The following PDE4D variants were observed in gnomAD, a reference collection of about 807,000 sequenced individuals.
The protein encoded by PDE4D is 3',5'-cyclic-AMP phosphodiesterase 4D.
A neutral mutation model predicts 87.4 loss-of-function variants in PDE4D; 24 were observed. That is an observed-to-expected ratio of 0.27 (90% CI 0.20 to 0.39). The LOEUF (loss-of-function observed/expected upper bound fraction) is 0.39, where lower values mean the gene tolerates loss of function less well. PDE4D is among the 10% of genes least tolerant of loss of function. PDE4D has a pLI of 1.00. For synonymous variants in PDE4D, 384 were observed against 383.2 expected (o/e 1.00, Z -0.02); for missense variants, 714 against 1,041.0 (o/e 0.69, Z 4.32).
chr5:60,309,670 A>G (rs973285119), intron 1 of PDE4D, among the ~76,000 whole-genome samples: 1 of 152,034 alleles, frequency 6.6e-6, no homozygotes, highest in Admixed American at 6.6e-5. Flanking sequence ...GGAAAAAACG[A>G]CTCATTTTTT....
intron 1 of PDE4D, among the ~76,000 whole-genome samples, chr5:60,222,872 A>G (rs377536488): frequency 6.6e-6 from 1 of 152,128 alleles, no homozygotes; most frequent in East Asian, 1.9e-4. Flanking sequence ...GAAGAAATGA[A>G]CAGGTTTTTG....
At chr5:59,880,190 T>C (rs530634192) in intron 1 of PDE4D, among the ~76,000 whole-genome samples, 3 of 152,146 alleles carry the variant, frequency 2.0e-5, no homozygotes, top group African/African-American at 7.2e-5. Flanking sequence ...ACTGTAACCT[T>C]GAACCCCTGG....
intron 1 of PDE4D, among the ~76,000 whole-genome samples, chr5:59,403,265 A>G (rs945572475): frequency 1.3e-5 from 2 of 152,102 alleles, no homozygotes. Context: ...TAAACAGGGA[A>G]TCTATTACTG....
intron 1 of PDE4D, among the ~76,000 whole-genome samples, chr5:60,413,436 A>AT (rs1404663380): frequency 6.6e-6 from 1 of 152,116 alleles, no homozygotes; most frequent in African/African-American, 2.4e-5. Flanking sequence ...AGAGCCTTTC[A>AT]TTTTCTGAAG....
intron 1 of PDE4D, among the ~76,000 whole-genome samples, chr5:60,431,281 C>T (rs1583744805): frequency 6.7e-6 from 1 of 149,310 alleles, no homozygotes; most frequent in South Asian, 2.1e-4. Context: ...TCAGACGGGG[C>T]AGCTGCCGGG....
At chr5:59,767,108 C>T (rs1182139797) in intron 1 of PDE4D, among the ~76,000 whole-genome samples, 1 of 151,972 alleles carries the variant, frequency 6.6e-6, no homozygotes, top group Non-Finnish European at 1.5e-5. Flanking sequence ...GTTTTAATTC[C>T]TTTTACTTTT....
chr5:59,703,664 T>C (rs1752944925), intron 1 of PDE4D: 1 of 528,212 alleles, frequency 1.9e-6, no homozygotes, highest in Non-Finnish European at 3.9e-6. Flanking sequence ...ATTAGTTAGA[T>C]TAGTAACTGG....
intron 1 of PDE4D, among the ~76,000 whole-genome samples, chr5:59,351,162 T>C (rs547745523): frequency 2.6e-5 from 4 of 152,256 alleles, no homozygotes; most frequent in Admixed American, 2.0e-4. Flanking sequence ...ACAACGACCT[T>C]ATGAAGTAGA....
intron 1 of PDE4D, among the ~76,000 whole-genome samples, chr5:59,623,701 G>A (rs1024519863): frequency 2.0e-5 from 3 of 152,040 alleles, no homozygotes; most frequent in Non-Finnish European, 4.4e-5. Flanking sequence ...CTAGACTGTT[G>A]AGCGTTACTA....
intron 3 of PDE4D, among the ~76,000 whole-genome samples, chr5:59,932,357 A>C (rs1343266975): frequency 6.6e-6 from 1 of 152,208 alleles, no homozygotes; most frequent in African/African-American, 2.4e-5. Context: ...GAGGGATAAT[A>C]GAGAGAGCTG....
chr5:59,193,751 G>A, intron 2 of PDE4D: 1 of 985,296 alleles, frequency 1.0e-6, no homozygotes, highest in Non-Finnish European at 1.2e-6. Context: ...TAAAAAGAGG[G>A]GCTTCTTGAT....
chr5:59,512,139 G>T (rs1035001917), intron 1 of PDE4D, among the ~76,000 whole-genome samples: 3 of 151,960 alleles, frequency 2.0e-5, no homozygotes, highest in African/African-American at 7.2e-5. Flanking sequence ...TGTTAAGTGA[G>T]AAAAAAGAAA....
chr5:60,021,863 TATTTTATTTTTACCTTA>T (rs1244668605), intron 2 of PDE4D: 3 of 152,196 alleles, frequency 2.0e-5, no homozygotes, highest in Non-Finnish European at 4.4e-5. Flanking sequence ...ATTGCATTTT[TATTTTATTTTTACCTTA>T]ATTTTATTTT....
chr5:60,441,689 C>A (rs918314706), intron 1 of PDE4D, among the ~76,000 whole-genome samples: 1 of 152,156 alleles, frequency 6.6e-6, no homozygotes, highest in Non-Finnish European at 1.5e-5. Flanking sequence ...ATCTATCCAT[C>A]TGACAAAGGA....
chr5:59,219,384 C>T (rs1751966696), intron 1 of PDE4D, among the ~76,000 whole-genome samples: 1 of 151,960 alleles, frequency 6.6e-6, no homozygotes, highest in Non-Finnish European at 1.5e-5. Context: ...AACCTAGGGT[C>T]TGAGTTCATT....
chr5:59,566,828 G>A (rs563698060), intron 1 of PDE4D, among the ~76,000 whole-genome samples: 1 of 151,928 alleles, frequency 6.6e-6, no homozygotes, highest in Non-Finnish European at 1.5e-5. Flanking sequence ...TGGCCATTTT[G>A]TCTACCCTAA....
In PDE4D at chr5:60,108,970, C is replaced by A. The variant is rs369892370; in HGVS notation, c.42+76587G>T. Reference sequence around the variant, plus strand: ...CATGGGCAAGGACTTCATGTCTAAACCATCAAAAGCAATGGCAACCAAAGC... The same window carrying A: ...CATGGGCAAGGACTTCATGTCTAAAACATCAAAAGCAATGGCAACCAAAGC... On this transcript the variant is annotated intron_variant, in intron 2 of 16. Coordinates refer to the PDE4D transcript ENST00000502484. Among the ~76,000 whole-genome samples the A allele has an allele frequency of 2.3e-4, 35 of 152,262 alleles. No homozygotes were observed. In the East Asian group the frequency reaches 6.0e-3, roughly 26 times the overall value.
At chr5:59,597,313 C>A (rs914675062) in intron 1 of PDE4D, among the ~76,000 whole-genome samples, 2 of 152,118 alleles carry the variant, frequency 1.3e-5, no homozygotes, top group African/African-American at 4.8e-5. Context: ...GTTACATGAT[C>A]AAGTGGCTTA....
chr5:60,437,577 C>T (rs1438718371), intron 1 of PDE4D, among the ~76,000 whole-genome samples: 1 of 152,072 alleles, frequency 6.6e-6, no homozygotes, highest in Non-Finnish European at 1.5e-5. Flanking sequence ...TAGACTTTTC[C>T]ACTGCAATTT....
Sources: allele counts gnomAD v4.1 joint callset (sites outside exome capture counted in the v4.1 genomes callset), GRCh38; gene constraint gnomAD v4.1.1; transcripts MANE v1.5; gene names NCBI Gene and HGNC (gene_info 2026-07-23, HGNC 2026-07-21).